Variants in ROBO1 observed in about 807,000 individuals in gnomAD.
The protein encoded by ROBO1 is roundabout guidance receptor 1, also known as roundabout homolog 1.
Under a neutral mutation model 195.9 loss-of-function variants are expected in ROBO1, and 149 were observed. That is an observed-to-expected ratio of 0.76 (90% CI 0.67 to 0.87). The LOEUF is 0.87. Among genes scored for constraint, ROBO1 ranks in the 40% least tolerant of loss-of-function variants. ROBO1 has a pLI of 0.00. For missense variants in ROBO1, 1,933 were observed against 2,068.3 expected, an observed-to-expected ratio of 0.93 and a Z score of 1.27; for synonymous variants, 816 against 733.2, an observed-to-expected ratio of 1.11 and a Z score of -1.82.
chr3:79,650,518 T>C (rs1343974106), intron 1 of ROBO1, among the ~76,000 whole-genome samples: 2 of 151,800 alleles, frequency 1.3e-5, no homozygotes, highest in Admixed American at 6.6e-5. Flanking sequence ...TAATTCTTTA[T>C]GTATATGTAA....
intron 4 of ROBO1, among the ~76,000 whole-genome samples, chr3:78,788,457 A>G (rs2083918788): frequency 6.7e-6 from 1 of 149,286 alleles, no homozygotes; most frequent in South Asian, 2.1e-4. Flanking sequence ...AAAAAAAAAA[A>G]AAAAAGATTC....
At chr3:79,189,571 A>C (rs2081502096) in intron 2 of ROBO1, among the ~76,000 whole-genome samples, 1 of 151,758 alleles carries the variant, frequency 6.6e-6, no homozygotes, top group African/African-American at 2.4e-5. Context: ...GAGTTAAGGA[A>C]TATTTACCCA....
intron 4 of ROBO1, among the ~76,000 whole-genome samples, chr3:78,850,170 G>T (rs2033962265): frequency 6.6e-6 from 1 of 152,042 alleles, no homozygotes; most frequent in Admixed American, 6.6e-5. Context: ...AACATCACTG[G>T]ATGACACCTT....
At chr3:79,493,267 A>T (rs1228759729) in intron 2 of ROBO1, among the ~76,000 whole-genome samples, 1 of 152,042 alleles carries the variant, frequency 6.6e-6, no homozygotes, top group Non-Finnish European at 1.5e-5. Context: ...CTACAAAAAC[A>T]TAATTTTTGA....
At chr3:79,346,175 A>G (rs2035108725) in intron 2 of ROBO1, among the ~76,000 whole-genome samples, 2 of 151,780 alleles carry the variant, frequency 1.3e-5, no homozygotes, top group African/African-American at 4.9e-5. Context: ...TAATATTTAT[A>G]GAGAAATACT....
chr3:79,731,344 A>C (rs1703140356), intron 1 of ROBO1, among the ~76,000 whole-genome samples: 1 of 152,156 alleles, frequency 6.6e-6, no homozygotes, highest in South Asian at 2.1e-4. Flanking sequence ...CATCAGAATC[A>C]TCTGTAAAGC....
intron 1 of ROBO1, among the ~76,000 whole-genome samples, chr3:79,607,819 C>A (rs1013712482): frequency 2.0e-5 from 3 of 152,066 alleles, no homozygotes; most frequent in South Asian, 2.1e-4. Context: ...ACGTGCGTGG[C>A]TCTCCCTAGA....
intron 4 of ROBO1, among the ~76,000 whole-genome samples, chr3:78,880,147 G>A (rs2107245808): frequency 6.6e-6 from 1 of 152,080 alleles, no homozygotes; most frequent in Admixed American, 6.6e-5. Context: ...TCATTTATTA[G>A]GATTGCTTTT....
intron 2 of ROBO1, among the ~76,000 whole-genome samples, chr3:79,578,085 T>C (rs949172369): frequency 2.6e-5 from 4 of 152,048 alleles, no homozygotes; most frequent in African/African-American, 9.6e-5. Flanking sequence ...GAATTAAAAA[T>C]TTAAATCACG....
At position 79,625,796 on chromosome 3, in the gene ROBO1, C is replaced by T. The variant is rs115218064; in HGVS notation, c.-50-35835G>A. Among the ~76,000 whole-genome samples, 994 of 152,158 alleles carry T rather than the reference C, an allele frequency of 6.5e-3. 12 individuals are homozygous for T. Among genetic ancestry groups the T allele is most frequent in the African/African-American group, 0.022 (933 of 41,500 alleles). ...CCAGAGGTACAAGGGGGAACTGGTA[C>T]GATTCCTTCTGAAATTATTCTAAAC... On this transcript the variant is annotated intron_variant, in intron 1 of 30. Coordinates refer to ENST00000464233, the MANE Select transcript of ROBO1 (RefSeq NM_002941.4).
At chr3:78,933,398 C>T (rs960564318) in intron 4 of ROBO1, among the ~76,000 whole-genome samples, 1 of 152,068 alleles carries the variant, frequency 6.6e-6, no homozygotes, top group African/African-American at 2.4e-5. Context: ...AGTGTCTTTT[C>T]TCTTAATGTA....
intron 1 of ROBO1, 25 bp from the exon 2 acceptor site, chr3:79,589,986 T>A: frequency 1.0e-6 from 1 of 994,242 alleles, no homozygotes; most frequent in Non-Finnish European, 1.6e-6. Context: ...AAAATATTAT[T>A]TTGTAATGGT....
intron 1 of ROBO1, among the ~76,000 whole-genome samples, chr3:79,622,590 G>C (rs1018725602): frequency 3.9e-5 from 6 of 152,198 alleles, no homozygotes; most frequent in Non-Finnish European, 8.8e-5. Context: ...TGCCTCTTGA[G>C]GCCTGACCCT....
At chr3:79,230,931 C>T (rs2082307824) in intron 2 of ROBO1, among the ~76,000 whole-genome samples, 1 of 152,104 alleles carries the variant, frequency 6.6e-6, no homozygotes, top group East Asian at 1.9e-4. Context: ...CAACAACTAC[C>T]AGATCTTTGA....
At chr3:78,897,194 T>A (rs747094149) in intron 4 of ROBO1, among the ~76,000 whole-genome samples, 16 of 152,162 alleles carry the variant, frequency 1.1e-4, no homozygotes, top group Non-Finnish European at 1.6e-4. Flanking sequence ...GGCTGAGCAA[T>A]ACAATCACCT....
At chr3:79,688,219 TG>T (rs1947189157) in intron 1 of ROBO1, among the ~76,000 whole-genome samples, 1 of 86,522 alleles carries the variant, frequency 1.2e-5, no homozygotes, top group South Asian at 4.1e-4. Context: ...GGGCCTGTTG[TG>T]GGGTGGGGGG....
chr3:79,296,054 T>C (rs990421874), intron 2 of ROBO1, among the ~76,000 whole-genome samples: 2 of 152,176 alleles, frequency 1.3e-5, no homozygotes, highest in Non-Finnish European at 2.9e-5. Context: ...GAAATCCATA[T>C]ATGCAAATTT....
At chr3:79,149,747 T>C (rs1379256874) in intron 2 of ROBO1, among the ~76,000 whole-genome samples, 1 of 151,688 alleles carries the variant, frequency 6.6e-6, no homozygotes, top group African/African-American at 2.4e-5. Context: ...TCTTTTTAAT[T>C]TTTTTTCCAC....
intron 2 of ROBO1, among the ~76,000 whole-genome samples, chr3:79,480,214 A>G (rs548425366): frequency 1.8e-4 from 28 of 152,226 alleles, no homozygotes; most frequent in Non-Finnish European, 3.2e-4. Flanking sequence ...ACAAATATTG[A>G]AAAGACAGGA....
Sources: gnomAD v4.1 joint callset for allele counts (sites outside exome capture counted in the v4.1 genomes callset) on GRCh38, gnomAD v4.1.1 for gene constraint, MANE v1.5 for transcripts, NCBI Gene and HGNC (gene_info 2026-07-23, HGNC 2026-07-21) for gene names.